SOX5: variants seen among roughly 807,000 people sequenced by gnomAD.
SOX5 encodes the protein transcription factor SOX-5.
Under a neutral mutation model 92.0 loss-of-function variants are expected in SOX5, and 9 were observed. The ratio of observed to expected loss-of-function variants is 0.10; its 90% confidence interval spans 0.06 to 0.17. The LOEUF (loss-of-function observed/expected upper bound fraction) is 0.17, where lower values mean the gene tolerates loss of function less well. SOX5 is among the 10% of genes least tolerant of loss of function. The probability of loss-of-function intolerance (pLI) is 1.00; values close to 1 mark genes in which losing one functional copy is unlikely to be tolerated. For synonymous variants in SOX5, 344 were observed against 336.3 expected (o/e 1.02, Z -0.25); for missense variants, 642 against 944.5 (o/e 0.68, Z 4.20).
At chr12:24,079,619 A>C (rs1281178806) in intron 4 of SOX5, among the ~76,000 whole-genome samples, 1 of 151,988 alleles carries the variant, frequency 6.6e-6, no homozygotes, top group Non-Finnish European at 1.5e-5. Context: ...CCACTGATTA[A>C]AAAATTGTTT....
intron 2 of SOX5, among the ~76,000 whole-genome samples, chr12:23,875,517 AAAGG>A (rs2096918195): frequency 6.6e-6 from 1 of 152,060 alleles, no homozygotes; most frequent in Non-Finnish European, 1.5e-5. Flanking sequence ...TTCTTCATAG[AAAGG>A]AAGGAAGAAA....
chr12:24,284,600 G>A (rs1415360174), intron 2 of SOX5, among the ~76,000 whole-genome samples: 2 of 152,016 alleles, frequency 1.3e-5, no homozygotes, highest in African/African-American at 2.4e-5. Flanking sequence ...TTTCTCCCTC[G>A]TCTTTCCTGG....
chr12:24,491,919 G>A (rs1947131573), intron 1 of SOX5, among the ~76,000 whole-genome samples: 1 of 152,028 alleles, frequency 6.6e-6, no homozygotes, highest in African/African-American at 2.4e-5. Flanking sequence ...GAGCCAGCAG[G>A]TTGCCACATG....
chr12:23,615,671 G>A (rs1195054738), intron 8 of SOX5, among the ~76,000 whole-genome samples: 1 of 125,082 alleles, frequency 8.0e-6, no homozygotes, highest in Non-Finnish European at 1.7e-5. Context: ...TCCTGCAAAA[G>A]ACACGATCTC....
chr12:23,705,299 G>A (rs1567106048), intron 6 of SOX5, among the ~76,000 whole-genome samples: 1 of 151,990 alleles, frequency 6.6e-6, no homozygotes, highest in Non-Finnish European at 1.5e-5. Context: ...AGCGCTGCAT[G>A]TTTGAGATCT....
chr12:23,878,066 G>A (rs1203312712), intron 2 of SOX5, among the ~76,000 whole-genome samples: 1 of 151,926 alleles, frequency 6.6e-6, no homozygotes, highest in Non-Finnish European at 1.5e-5. Context: ...GGCATTTAAA[G>A]TTATCGCTAT....
chr12:24,101,434 C>A (rs935769103), intron 4 of SOX5, among the ~76,000 whole-genome samples: 3 of 152,110 alleles, frequency 2.0e-5, no homozygotes, highest in Admixed American at 6.6e-5. Flanking sequence ...TCCTTCATGA[C>A]TAACACTCGT....
rs1310376803 is a variant in SOX5, at chr12:24,375,761, A to C, written c.-250-7122T>G. ...CAAAAAAAAAAAAAAAAAAGTGAGA[A>C]TACATTATGGAAACAGCTCTATTTT... On this transcript the variant is annotated intron_variant, in intron 1 of 4. Transcript: ENST00000446891. Among the ~76,000 whole-genome samples, 6 of 151,696 alleles carry C rather than the reference A, an allele frequency of 4.0e-5. No individual in the cohort carries two copies. The East Asian group carries it at 1.2e-3, about 29-fold the overall frequency.
chr12:24,373,696 A>G (rs1956969927), intron 1 of SOX5, among the ~76,000 whole-genome samples: 2 of 152,246 alleles, frequency 1.3e-5, no homozygotes, highest in Non-Finnish European at 2.9e-5. Context: ...AGATATCTAT[A>G]TGTAAGTAGA....
In SOX5 at chr12:24,251,011, A is replaced by G. The variant is rs114969685; in HGVS notation, c.-77+26205T>C. Among the ~76,000 whole-genome samples, 768 of 152,344 alleles carry G rather than the reference A, an allele frequency of 5.0e-3. 11 individuals are homozygous for G. Among genetic ancestry groups the G allele is most frequent in the African/African-American group, 0.018 (733 of 41,576 alleles). On this transcript the variant is annotated intron_variant, in intron 3 of 4. Transcript: ENST00000446891. Reference sequence around the variant, plus strand: ...CAGTTAAACTTAAAATCTGAGTTTTATAGTAAAGACCAACATCCAAGACTA... The same window carrying G: ...CAGTTAAACTTAAAATCTGAGTTTTGTAGTAAAGACCAACATCCAAGACTA...
At chr12:23,725,791 G>C (rs1038054911) in intron 6 of SOX5, among the ~76,000 whole-genome samples, 3 of 152,136 alleles carry the variant, frequency 2.0e-5, no homozygotes, top group Non-Finnish European at 4.4e-5. Flanking sequence ...TACCAAATAA[G>C]ACTGGGAATA....
At chr12:23,908,174 C>G (rs2097313274) in intron 1 of SOX5, among the ~76,000 whole-genome samples, 1 of 151,936 alleles carries the variant, frequency 6.6e-6, no homozygotes, top group South Asian at 2.1e-4. Flanking sequence ...AATTAAGTAA[C>G]CAGTCTAGTT....
intron 3 of SOX5, among the ~76,000 whole-genome samples, chr12:23,821,610 G>T (rs1176083202): frequency 6.6e-6 from 1 of 151,940 alleles, no homozygotes; most frequent in African/African-American, 2.4e-5. Flanking sequence ...GGCCTTTTCT[G>T]CATCTCTTGA....
chr12:23,803,124 C>T (rs1347004715), intron 3 of SOX5, among the ~76,000 whole-genome samples: 5 of 152,202 alleles, frequency 3.3e-5, no homozygotes, highest in Admixed American at 2.6e-4. Context: ...ATCACAATCT[C>T]TCCCACTAAA....
At chr12:23,708,213 T>A (rs1475607767) in intron 6 of SOX5, among the ~76,000 whole-genome samples, 2 of 150,866 alleles carry the variant, frequency 1.3e-5, no homozygotes, top group African/African-American at 4.8e-5. Flanking sequence ...ATTTGGGAAC[T>A]ATTTATAGAT....
chr12:23,975,824 C>A (rs1483282583), intron 4 of SOX5, among the ~76,000 whole-genome samples: 2 of 152,132 alleles, frequency 1.3e-5, no homozygotes, highest in Non-Finnish European at 2.9e-5. Flanking sequence ...GAAAGGAAGT[C>A]AATAGTTTTA....
At chr12:24,034,729 G>T (rs1469662840) in intron 4 of SOX5, among the ~76,000 whole-genome samples, 1 of 151,860 alleles carries the variant, frequency 6.6e-6, no homozygotes, top group Admixed American at 6.6e-5. Context: ...CCCCTTCATG[G>T]CCTACGTATT....
intron 4 of SOX5, among the ~76,000 whole-genome samples, chr12:24,096,858 C>G (rs1054869057): frequency 4.6e-5 from 7 of 151,920 alleles, no homozygotes; most frequent in Admixed American, 3.9e-4. Flanking sequence ...GTGTGTGTGT[C>G]TGTGTATGTT....
chr12:24,039,035 T>C (rs960466280), intron 4 of SOX5, among the ~76,000 whole-genome samples: 2 of 152,224 alleles, frequency 1.3e-5, no homozygotes, highest in Admixed American at 1.3e-4. Context: ...ATGTATAGGA[T>C]ATCCAATAAT....
Sources: allele counts gnomAD v4.1 joint callset (sites outside exome capture counted in the v4.1 genomes callset), GRCh38; gene constraint gnomAD v4.1.1; transcripts MANE v1.5; gene names NCBI Gene and HGNC (gene_info 2026-07-23, HGNC 2026-07-21).